The following RAB39A variants were observed in gnomAD, a reference collection of about 807,000 sequenced individuals.
The protein encoded by RAB39A is RAB39A, member RAS oncogene family, also known as ras-related protein Rab-39A.
Under a neutral mutation model 20.9 loss-of-function variants are expected in RAB39A, and 17 were observed. The observed-to-expected ratio is 0.81, with a 90% CI of 0.56 to 1.22. The LOEUF is 1.22. RAB39A is among the 50% of genes most tolerant of loss of function. The pLI, the probability that RAB39A is intolerant of heterozygous loss-of-function variation, is 0.00. For synonymous variants in RAB39A, 99 were observed against 103.4 expected, an observed-to-expected ratio of 0.96 and a Z score of 0.26; for missense variants, 234 against 270.5, an observed-to-expected ratio of 0.87 and a Z score of 0.95.
chr11:107,933,445 G>A (rs1171860271), intron 1 of RAB39A, among the ~76,000 whole-genome samples: 3 of 125,546 alleles, frequency 2.4e-5, no homozygotes, highest in Non-Finnish European at 3.2e-5. Flanking sequence ...GCAGTGAAAC[G>A]ATCGGCTCAC....
Position 107,928,741 on chromosome 11 carries a change from C to G in RAB39A, c.173C>G (p.Pro58Arg). ...TTCTCCCGCCTGCTGGAGATCGAGCCGGGCAAGAGGATCAAGCTACAGCTC... is the reference window on the plus strand; with the variant it reads ...TTCTCCCGCCTGCTGGAGATCGAGCGGGGCAAGAGGATCAAGCTACAGCTC... ...DFFSRLLEIE[P>R]GKRIKLQLWD... The change falls in exon 1 of 2, where the codon CCG (proline) becomes CGG (arginine). Residue 58 changes from proline to arginine, a missense_variant. Physicochemically the swap from Pro to Arg is moderately radical, Grantham distance 103. Coordinates refer to ENST00000320578, the MANE Select transcript of RAB39A (RefSeq NM_017516.3). This position sits in a 1 kb window ranked among gnomAD's most constrained non-coding sequence, Gnocchi z 4.9. 1 of 1,608,308 alleles carries G rather than the reference C, an allele frequency of 6.2e-7. No individual in the cohort carries two copies. Among genetic ancestry groups the G allele is most frequent in the Non-Finnish European group, 8.5e-7 (1 of 1,177,014 alleles).
At chr11:107,943,847 C>T (rs1184773159) in intron 1 of RAB39A, among the ~76,000 whole-genome samples, 3 of 152,104 alleles carry the variant, frequency 2.0e-5, no homozygotes, top group Admixed American at 6.6e-5. Flanking sequence ...GTAATCCCAG[C>T]CCTTTGGGAG....
intron 1 of RAB39A, among the ~76,000 whole-genome samples, chr11:107,959,997 GTCAAGAGATCGA>G (rs968618910): frequency 1.1e-4 from 17 of 152,142 alleles, no homozygotes; most frequent in African/African-American, 3.4e-4. Context: ...GGATCACAAG[GTCAAGAGATCGA>G]GAGCATCTTG....
chr11:107,946,308 C>CTATATATATATATATA (rs369739015), intron 1 of RAB39A, among the ~76,000 whole-genome samples: 4 of 94,260 alleles, frequency 4.2e-5, no homozygotes, highest in African/African-American at 1.5e-4. Context: ...GAACAGGATA[C>CTATATATATATATATA]TATATATATA....
chr11:107,960,282 A>C (rs1766029376), intron 1 of RAB39A, among the ~76,000 whole-genome samples: 1 of 152,250 alleles, frequency 6.6e-6, no homozygotes, highest in Non-Finnish European at 1.5e-5. Flanking sequence ...TATGATTGAC[A>C]TAACAGCAAA....
At position 107,928,630 on chromosome 11, in the gene RAB39A, A is replaced by G. The variant is rs1195561266; in HGVS notation, c.62A>G (p.Lys21Arg). 6.2e-7 allele frequency: 1 copy of G among 1,605,204 alleles called. No individual in the cohort carries two copies. The highest frequency in any genetic ancestry group is 1.7e-5 in the Admixed American group (1 of 59,792). Residue 21 changes from lysine to arginine, a missense_variant, in exon 1 of 2, where the codon AAG becomes AGG. Lys to Arg is a conservative substitution (Grantham distance 26). Coordinates refer to ENST00000320578, the MANE Select transcript of RAB39A (RefSeq NM_017516.3). This position sits in a 1 kb window ranked among gnomAD's most constrained non-coding sequence, Gnocchi z 4.9. ...LIVIGDSTVG[K>R]SCLLHRFTQG... ...GTGATCGGGGACTCCACCGTGGGCA[A>G]GTCCTGCCTCCTGCACCGCTTCACC...
At chr11:107,960,805 G>A (rs1861488908) in intron 1 of RAB39A, among the ~76,000 whole-genome samples, 1 of 152,128 alleles carries the variant, frequency 6.6e-6, no homozygotes, top group South Asian at 2.1e-4. Context: ...AGAAGCAGAG[G>A]AATACCACCA....
intron 1 of RAB39A, among the ~76,000 whole-genome samples, chr11:107,938,351 C>G (rs1290558694): frequency 8.0e-6 from 1 of 124,318 alleles, no homozygotes; most frequent in Non-Finnish European, 1.7e-5. Flanking sequence ...TAGAGCAAGA[C>G]TCCGTCTCAA....
At chr11:107,939,851 G>T (rs1861242095) in intron 1 of RAB39A, among the ~76,000 whole-genome samples, 2 of 152,112 alleles carry the variant, frequency 1.3e-5, no homozygotes, top group Non-Finnish European at 2.9e-5. Flanking sequence ...TTCATGTTGA[G>T]CTTTCAAAAC....
chr11:107,952,073 ATAAT>A (rs1471647115), intron 1 of RAB39A, among the ~76,000 whole-genome samples: 81 of 152,308 alleles, frequency 5.3e-4, no homozygotes, highest in African/African-American at 1.9e-3. Context: ...TTTAGGAAAA[ATAAT>A]TAGAGAGGAA....
At position 107,928,692 on chromosome 11, in the gene RAB39A, G is replaced by T. The variant is rs1861107803; in HGVS notation, c.124G>T (p.Asp42Tyr). 1 of 1,611,784 alleles carries T rather than the reference G, an allele frequency of 6.2e-7. No homozygotes were observed. Among genetic ancestry groups the T allele is most frequent in the Admixed American group, 1.7e-5 (1 of 59,746 alleles). Residue 42 changes from aspartate to tyrosine, a missense_variant, in exon 1 of 2, where the codon GAC becomes TAC. Asp to Tyr is a radical substitution (Grantham distance 160). Coordinates refer to ENST00000320578, the MANE Select transcript of RAB39A (RefSeq NM_017516.3). This position sits in a 1 kb window ranked among gnomAD's most constrained non-coding sequence, Gnocchi z 4.9. ...RFPGLRSPAC[D>Y]PTVGVDFFSR... ...CCCCGGGCTGCGCTCCCCCGCCTGC[G>T]ACCCCACCGTCGGCGTGGACTTCTT... is the stretch of plus-strand genomic sequence containing the variant.
At chr11:107,929,924 G>A (rs189361141) in intron 1 of RAB39A, among the ~76,000 whole-genome samples, 1 of 152,290 alleles carries the variant, frequency 6.6e-6, no homozygotes, top group East Asian at 1.9e-4. Flanking sequence ...TAGTCAGCAA[G>A]TACTCTGCTT....
intron 1 of RAB39A, among the ~76,000 whole-genome samples, chr11:107,938,084 C>T (rs917635127): frequency 3.3e-5 from 5 of 152,026 alleles, no homozygotes; most frequent in African/African-American, 1.2e-4. Context: ...ATGAGATGGC[C>T]AGGCATGGTG....
intron 1 of RAB39A, among the ~76,000 whole-genome samples, chr11:107,945,953 A>T (rs1040932719): frequency 6.6e-6 from 1 of 152,126 alleles, no homozygotes. Flanking sequence ...GAGTGCTGGC[A>T]GTCAAGCCTT....
At chr11:107,935,078 C>T (rs978521535) in intron 1 of RAB39A, among the ~76,000 whole-genome samples, 1 of 152,160 alleles carries the variant, frequency 6.6e-6, no homozygotes, top group African/African-American at 2.4e-5. Flanking sequence ...TTCTGCTATG[C>T]ATCTTTCTCC....
chr11:107,934,324 C>T (rs1861170210), intron 1 of RAB39A, among the ~76,000 whole-genome samples: 1 of 152,034 alleles, frequency 6.6e-6, no homozygotes, highest in African/African-American at 2.4e-5. Flanking sequence ...TCCCCAGCTG[C>T]TCAGGAGGCT....
intron 1 of RAB39A, among the ~76,000 whole-genome samples, chr11:107,941,760 G>A (rs974963785): frequency 3.3e-5 from 5 of 152,084 alleles, no homozygotes; most frequent in African/African-American, 9.7e-5. Flanking sequence ...ATGGGATTAC[G>A]AAAGCAAAAT....
intron 1 of RAB39A, among the ~76,000 whole-genome samples, chr11:107,937,691 A>G (rs1346730867): frequency 6.6e-6 from 1 of 152,088 alleles, no homozygotes; most frequent in Non-Finnish European, 1.5e-5. Context: ...ACCTGCCACC[A>G]TGCCCAGCTA....
intron 1 of RAB39A, among the ~76,000 whole-genome samples, chr11:107,933,060 G>A (rs1861153834): frequency 6.6e-6 from 1 of 152,128 alleles, no homozygotes; most frequent in East Asian, 1.9e-4. Context: ...AGAGCTAGGT[G>A]TATGGAGAGC....
Sources: allele counts gnomAD v4.1 joint callset (sites outside exome capture counted in the v4.1 genomes callset), GRCh38; gene constraint gnomAD v4.1.1; non-coding constraint Gnocchi (gnomAD v3.1); transcripts MANE v1.5; gene names NCBI Gene and HGNC (gene_info 2026-07-23, HGNC 2026-07-21).